MAPKAP1: variants seen among roughly 807,000 people sequenced by gnomAD.
MAPKAP1 encodes target of rapamycin complex 2 subunit MAPKAP1.
MAPKAP1 carries 20 observed loss-of-function variants against 65.7 expected under a neutral mutation model. The ratio of observed to expected loss-of-function variants is 0.30; its 90% confidence interval spans 0.21 to 0.44. The LOEUF (loss-of-function observed/expected upper bound fraction) is 0.44, where lower values mean the gene tolerates loss of function less well. MAPKAP1 is among the 20% of genes least tolerant of loss of function. The pLI is 1.00. For synonymous variants in MAPKAP1, 222 were observed against 244.3 expected (o/e 0.91, Z 0.85); for missense variants, 423 against 648.0 (o/e 0.65, Z 3.77).
chr9:125,653,563 C>T (rs1179355374), intron 4 of MAPKAP1, among the ~76,000 whole-genome samples: 1 of 152,138 alleles, frequency 6.6e-6, no homozygotes, highest in East Asian at 1.9e-4. Context: ...GATCAGAGTT[C>T]TTCCTGCCAT....
At chr9:125,495,344 C>T (rs977413426) in intron 8 of MAPKAP1, among the ~76,000 whole-genome samples, 8 of 152,108 alleles carry the variant, frequency 5.3e-5, no homozygotes, top group Non-Finnish European at 8.8e-5. Context: ...ACCTTCAGGG[C>T]GAATTCTGGG....
chr9:125,705,119 T>C (rs965622496), intron 1 of MAPKAP1, among the ~76,000 whole-genome samples: 1 of 152,228 alleles, frequency 6.6e-6, no homozygotes, highest in Admixed American at 6.5e-5. Flanking sequence ...AAGATTTCTG[T>C]ACCATTCATT....
In MAPKAP1 at chr9:125,599,148, A is replaced by G. The variant is rs192964455; in HGVS notation, c.499-13421T>C. 1.6e-4 allele frequency among the ~76,000 whole-genome samples: 24 copies of G among 152,072 alleles called. 1 individual carries two copies. The highest frequency in any genetic ancestry group is 4.6e-4 in the African/African-American group (19 of 41,460). On this transcript the variant is annotated intron_variant, in intron 4 of 11. Coordinates refer to ENST00000265960, the MANE Select transcript of MAPKAP1 (RefSeq NM_001006617.3). ...TTTTTCCTACTTTTTATCTACTTTT[A>G]TATCAATAGACTTAAAAAAAAATAT...
intron 9 of MAPKAP1, among the ~76,000 whole-genome samples, chr9:125,478,511 G>T (rs1402669292): frequency 6.6e-6 from 1 of 152,110 alleles, no homozygotes; most frequent in African/African-American, 2.4e-5. Context: ...TAAATGTTTT[G>T]TAGAGACAGG....
Position 125,672,580 on chromosome 9 carries a change from C to A in MAPKAP1, c.-6G>T. On this transcript the variant is annotated 5_prime_UTR_variant, in exon 2 of 12. Coordinates refer to ENST00000265960, the MANE Select transcript of MAPKAP1 (RefSeq NM_001006617.3). ...GGATTGTCCAAGAAGGCCATCCTTT[C>A]TGTGGGCCAATTTCCTTAAAAGGCT... The A allele has an allele frequency of 6.2e-7, 1 of 1,612,794 alleles. No individual in the cohort carries two copies. Among genetic ancestry groups the A allele is most frequent in the Non-Finnish European group, 8.5e-7 (1 of 1,178,870 alleles).
At chr9:125,485,708 T>G (rs961597156) in intron 8 of MAPKAP1, among the ~76,000 whole-genome samples, 1 of 152,098 alleles carries the variant, frequency 6.6e-6, no homozygotes, top group African/African-American at 2.4e-5. Context: ...ACTCTACCTC[T>G]CCTGTGAAAT....
rs1852365222 is a variant in MAPKAP1 at position 125,438,343 on chromosome 9, C to T, written c.*544G>A. On this transcript the variant is annotated 3_prime_UTR_variant, in exon 12 of 12. Transcript: ENST00000265960. ...CATAGTTAAAACTATTGACTAAGAC[C>T]TAAACATTTCTTCTGAGAAATCGAA... is the stretch of plus-strand genomic sequence containing the variant. The T allele has an allele frequency of 2.5e-6, 1 of 399,170 alleles. No individual in the cohort carries two copies. The highest frequency in any genetic ancestry group is 1.3e-4 in the South Asian group (1 of 7,874). The allele number at this position is 399,170 out of a possible 1,614,324, so 24.7% of individuals were successfully genotyped here.
At chr9:125,608,574 G>A (rs1832506122) in intron 4 of MAPKAP1, among the ~76,000 whole-genome samples, 2 of 152,194 alleles carry the variant, frequency 1.3e-5, no homozygotes, top group African/African-American at 4.8e-5. Context: ...TGGGAAAGTG[G>A]AGACATCAGC....
chr9:125,478,340 A>G (rs1263080657), intron 9 of MAPKAP1, among the ~76,000 whole-genome samples: 1 of 152,072 alleles, frequency 6.6e-6, no homozygotes, highest in Non-Finnish European at 1.5e-5. Flanking sequence ...TATATATATA[A>G]ATTTAGAGAC....
At chr9:125,456,675 T>C (rs1853173776) in intron 10 of MAPKAP1, among the ~76,000 whole-genome samples, 1 of 152,236 alleles carries the variant, frequency 6.6e-6, no homozygotes. Flanking sequence ...CATGTAAGCT[T>C]CTCTTTGGAG....
chr9:125,497,868 A>T (rs1828853489), intron 8 of MAPKAP1, among the ~76,000 whole-genome samples: 1 of 152,226 alleles, frequency 6.6e-6, no homozygotes, highest in Non-Finnish European at 1.5e-5. Context: ...GGAAAGAATA[A>T]GTTGGTTCAA....
At chr9:125,468,476 A>T (rs1414437079) in intron 9 of MAPKAP1, among the ~76,000 whole-genome samples, 1 of 152,244 alleles carries the variant, frequency 6.6e-6, no homozygotes, top group Non-Finnish European at 1.5e-5. Flanking sequence ...TATTTAAAAA[A>T]CAGTTTTGAT....
intron 4 of MAPKAP1, among the ~76,000 whole-genome samples, chr9:125,598,158 T>C (rs1213254178): frequency 6.6e-6 from 1 of 151,720 alleles, no homozygotes; most frequent in Non-Finnish European, 1.5e-5. Context: ...AAAAAGAACT[T>C]TTTTTTTACA....
rs374026853 is a variant in MAPKAP1, at chr9:125,618,193, T to C, written c.499-32466A>G. ...CCCATCTCTAATAAAAACACAAAAA[T>C]TAGCTGGGTGTGGTGGCACGCACCT... On this transcript the variant is annotated intron_variant, in intron 4 of 11. Transcript: ENST00000265960. Among the ~76,000 whole-genome samples the C allele has an allele frequency of 9.2e-5, 14 of 151,452 alleles. No individual in the cohort carries two copies. In the East Asian group the frequency reaches 1.4e-3, roughly 15 times the overall value.
chr9:125,464,610 T>A (rs1589215030), intron 10 of MAPKAP1, among the ~76,000 whole-genome samples: 1 of 152,310 alleles, frequency 6.6e-6, no homozygotes, highest in East Asian at 1.9e-4. Flanking sequence ...TTCAAGTCCT[T>A]AAACACTCAC....
intron 10 of MAPKAP1, among the ~76,000 whole-genome samples, chr9:125,449,651 T>C (rs1232229105): frequency 6.6e-6 from 1 of 152,106 alleles, no homozygotes; most frequent in African/African-American, 2.4e-5. Context: ...AGAAACTAAT[T>C]AGTGGCACAA....
intron 8 of MAPKAP1, among the ~76,000 whole-genome samples, chr9:125,500,844 T>G (rs1353868589): frequency 6.6e-6 from 1 of 152,182 alleles, no homozygotes; most frequent in African/African-American, 2.4e-5. Flanking sequence ...CACTATAAAG[T>G]TCCTACCTAT....
At chr9:125,521,078 A>G (rs1027347454) in intron 7 of MAPKAP1, among the ~76,000 whole-genome samples, 1 of 152,234 alleles carries the variant, frequency 6.6e-6, no homozygotes, top group African/African-American at 2.4e-5. Flanking sequence ...AGAAGAGGTA[A>G]CACATGTACA....
At chr9:125,632,985 C>T (rs1833329726) in intron 4 of MAPKAP1, among the ~76,000 whole-genome samples, 1 of 152,178 alleles carries the variant, frequency 6.6e-6, no homozygotes. Flanking sequence ...AAGAAATGGG[C>T]TTGTTCTGCC....
Sources: allele counts gnomAD v4.1 joint callset (sites outside exome capture counted in the v4.1 genomes callset), GRCh38; gene constraint gnomAD v4.1.1; transcripts MANE v1.5; gene names NCBI Gene and HGNC (gene_info 2026-07-23, HGNC 2026-07-21).